The following PDZD2 variants were observed in gnomAD, a reference collection of about 807,000 sequenced individuals.
PDZD2 encodes PDZ domain containing 2, also known as PDZ domain-containing protein 2.
Under a neutral mutation model 220.7 loss-of-function variants are expected in PDZD2, and 90 were observed. The observed-to-expected ratio is 0.41, with a 90% CI of 0.34 to 0.49. PDZD2 has a LOEUF of 0.49. Among genes scored for constraint, PDZD2 ranks in the 20% least tolerant of loss-of-function variants. PDZD2 has a pLI of 0.28. For synonymous variants in PDZD2, 1,375 were observed against 1,450.5 expected, an observed-to-expected ratio of 0.95 and a Z score of 1.18; for missense variants, 3,174 against 3,608.5, an observed-to-expected ratio of 0.88 and a Z score of 3.08.
At chr5:31,971,424 A>G (rs1205462736) in intron 2 of PDZD2, among the ~76,000 whole-genome samples, 1 of 152,176 alleles carries the variant, frequency 6.6e-6, no homozygotes, top group Non-Finnish European at 1.5e-5. Flanking sequence ...ATATAATTAC[A>G]TCCTAAATGC....
At position 31,836,437 on chromosome 5, in the gene PDZD2, A is replaced by G. The variant is rs115398827; in HGVS notation, c.476+36713A>G. ...AAGACGGGGTTTTGCTGTGTTGGTC[A>G]GGCTGATTTCAAACTCCTGACCTCA... is the stretch of plus-strand genomic sequence containing the variant. On this transcript the variant is annotated intron_variant, in intron 2 of 24. Coordinates refer to ENST00000438447, the MANE Select transcript of PDZD2 (RefSeq NM_178140.4). Among the ~76,000 whole-genome samples the G allele has an allele frequency of 8.5e-3, 1,290 of 152,086 alleles. 22 individuals carry two copies. Among genetic ancestry groups the G allele is most frequent in the African/African-American group, 0.029 (1,213 of 41,482 alleles).
At position 32,064,238 on chromosome 5, in the gene PDZD2, CT is replaced by C. The variant is rs199999795; in HGVS notation, c.2451+3116del. Among the ~76,000 whole-genome samples, 260 of 146,896 alleles carry C rather than the reference CT, an allele frequency of 1.8e-3. 1 individual carries two copies. Among genetic ancestry groups the C allele is most frequent in the African/African-American group, 5.9e-3 (239 of 40,418 alleles). ...GAAAAGAAGGAACCAACTCAATTCA[CT>C]TTTTTTTTTTTCTCTTTTTTGAGAC... On this transcript the variant is annotated intron_variant, in intron 14 of 24. Coordinates refer to ENST00000438447, the MANE Select transcript of PDZD2 (RefSeq NM_178140.4).
chr5:31,750,871 C>T (rs1485470384), intron 1 of PDZD2, among the ~76,000 whole-genome samples: 1 of 152,074 alleles, frequency 6.6e-6, no homozygotes, highest in South Asian at 2.1e-4. Context: ...GGTAATGTTA[C>T]GCAGCACTTT....
chr5:31,800,544 C>T (rs1267140252), intron 2 of PDZD2, among the ~76,000 whole-genome samples: 2 of 152,202 alleles, frequency 1.3e-5, no homozygotes, highest in African/African-American at 4.8e-5. Context: ...ACATTCTTAG[C>T]ATAAACTCTC....
chr5:32,067,824 A>G (rs1740349579), intron 14 of PDZD2, among the ~76,000 whole-genome samples: 2 of 152,244 alleles, frequency 1.3e-5, no homozygotes. Flanking sequence ...ATCTGCCATG[A>G]TACTAATAAA....
At chr5:31,950,551 T>C (rs1276133497) in intron 2 of PDZD2, among the ~76,000 whole-genome samples, 1 of 152,326 alleles carries the variant, frequency 6.6e-6, no homozygotes, top group East Asian at 1.9e-4. Flanking sequence ...TTGTTTACTC[T>C]TCATCATGAT....
At chr5:32,012,754 A>G (rs1304327913) in intron 6 of PDZD2, among the ~76,000 whole-genome samples, 4 of 152,244 alleles carry the variant, frequency 2.6e-5, no homozygotes, top group Non-Finnish European at 5.9e-5. Flanking sequence ...TTCAAACTTC[A>G]TATACTAAAT....
rs548255187 is a variant in PDZD2, at chr5:31,765,496, TTC to T, written c.-360-33383_-360-33382del. On this transcript the variant is annotated intron_variant, in intron 1 of 24. Coordinates refer to ENST00000438447, the MANE Select transcript of PDZD2 (RefSeq NM_178140.4). ...AAAATCAATTTCCTGCCCGCCCCTG[TTC>T]TCTCTCTCTTTCTGTCTTCCTCTGG... 4.7e-4 allele frequency among the ~76,000 whole-genome samples: 71 copies of T among 152,344 alleles called. 1 individual carries two copies. In the South Asian group the frequency reaches 9.7e-3, roughly 21 times the overall value.
At chr5:31,763,283 A>G (rs1751764435) in intron 1 of PDZD2, among the ~76,000 whole-genome samples, 1 of 152,132 alleles carries the variant, frequency 6.6e-6, no homozygotes, top group South Asian at 2.1e-4. Flanking sequence ...CTCCGGTATC[A>G]GGCGGTCAGG....
intron 14 of PDZD2, 146 bp downstream of exon 14, chr5:32,061,280 A>T: frequency 1.5e-6 from 1 of 659,628 alleles, no homozygotes; most frequent in South Asian, 2.0e-5. Flanking sequence ...TCTAATCTGG[A>T]CTTTGTCTTC....
In PDZD2 at chr5:31,650,166, A is replaced by G. The variant is rs140241406; in HGVS notation, c.-361+10729A>G. On this transcript the variant is annotated intron_variant, in intron 1 of 24. Transcript: ENST00000438447. Reference sequence around the variant, plus strand: ...TGTTAACAATCTGTGTCCTGGGTTTATGAGCAGGAAAATGAATTATCCAAT... The same window carrying G: ...TGTTAACAATCTGTGTCCTGGGTTTGTGAGCAGGAAAATGAATTATCCAAT... Among the ~76,000 whole-genome samples, 1,027 of 151,684 alleles carry G rather than the reference A, an allele frequency of 6.8e-3. 11 individuals carry two copies. Among genetic ancestry groups the G allele is most frequent in the Non-Finnish European group, 7.3e-3 (496 of 67,910 alleles).
chr5:31,746,337 G>T (rs1045325162), intron 1 of PDZD2, among the ~76,000 whole-genome samples: 1 of 152,148 alleles, frequency 6.6e-6, no homozygotes, highest in Non-Finnish European at 1.5e-5. Flanking sequence ...TTTCTTGGCT[G>T]TCTGAATTAT....
chr5:31,886,702 C>CT (rs34507635), intron 2 of PDZD2, among the ~76,000 whole-genome samples: 42,680 of 129,646 alleles, frequency 0.33, 6,795 homozygotes, highest in Admixed American at 0.38. Flanking sequence ...GTCTCTGTCT[C>CT]TTTTTTTTTT....
chr5:32,045,663 G>C (rs1581366717), intron 7 of PDZD2, among the ~76,000 whole-genome samples: 1 of 149,238 alleles, frequency 6.7e-6, no homozygotes, highest in Non-Finnish European at 1.5e-5. Context: ...TCATGACCTT[G>C]TGATCCACCT....
At chr5:31,806,996 G>A (rs1292794317) in intron 2 of PDZD2, among the ~76,000 whole-genome samples, 1 of 148,730 alleles carries the variant, frequency 6.7e-6, no homozygotes, top group Non-Finnish European at 1.5e-5. Context: ...GTGCAACGGC[G>A]CGATCTCGAC....
At chr5:32,073,536 GA>G (rs1740956539) in intron 17 of PDZD2, among the ~76,000 whole-genome samples, 1 of 150,514 alleles carries the variant, frequency 6.6e-6, no homozygotes, top group African/African-American at 2.5e-5. Flanking sequence ...CATGGAGGTG[GA>G]AGTATTAAGT....
intron 1 of PDZD2, among the ~76,000 whole-genome samples, chr5:31,719,443 G>A (rs369956547): frequency 1.3e-5 from 2 of 152,148 alleles, no homozygotes; most frequent in African/African-American, 2.4e-5. Flanking sequence ...TGAACTTGCC[G>A]ACAAAACAGT....
intron 6 of PDZD2, among the ~76,000 whole-genome samples, chr5:32,036,965 C>A (rs1399563302): frequency 6.6e-6 from 1 of 152,214 alleles, no homozygotes; most frequent in African/African-American, 2.4e-5. Context: ...TGGTTCCATG[C>A]TGCGCAGTGA....
chr5:31,822,662 C>A, intron 2 of PDZD2: 1 of 1,329,894 alleles, frequency 7.5e-7, no homozygotes, highest in South Asian at 1.2e-5. Context: ...TGAATCAAAG[C>A]CACTGAATTT....
Sources: gnomAD v4.1 joint callset for allele counts (sites outside exome capture counted in the v4.1 genomes callset) on GRCh38, gnomAD v4.1.1 for gene constraint, MANE v1.5 for transcripts, NCBI Gene and HGNC (gene_info 2026-07-23, HGNC 2026-07-21) for gene names.